ANKRD60: variants seen among roughly 807,000 people sequenced by gnomAD.
ANKRD60 encodes ankyrin repeat domain-containing protein 60.
ANKRD60 carries 24 observed loss-of-function variants against 21.3 expected under a neutral mutation model. The ratio of observed to expected loss-of-function variants is 1.13; its 90% CI spans 0.82 to 1.59. The LOEUF is 1.59. ANKRD60 is among the 40% of genes most tolerant of loss of function. The pLI is 0.00. For synonymous variants in ANKRD60, 182 were observed against 199.4 expected, an observed-to-expected ratio of 0.91 and a Z score of 0.74; for missense variants, 490 against 466.7, an observed-to-expected ratio of 1.05 and a Z score of -0.46.
exon 4 of ANKRD60, chr20:58,218,607 T>C (rs1473317512): frequency 1.3e-6 from 2 of 1,551,772 alleles, no homozygotes; most frequent in South Asian, 1.2e-5. Context: ...TGCTATCCGG[T>C]GGAGGAGGAC....
intron 3 of ANKRD60, among the ~76,000 whole-genome samples, chr20:58,220,615 A>G (rs993748132): frequency 1.3e-5 from 2 of 151,812 alleles, no homozygotes; most frequent in Non-Finnish European, 2.9e-5. Flanking sequence ...GAGAAGGGAG[A>G]ATGGTGATCC....
downstream of ANKRD60, among the ~76,000 whole-genome samples, chr20:58,216,208 A>G (rs1984132450): frequency 6.6e-6 from 1 of 152,208 alleles, no homozygotes; most frequent in South Asian, 2.1e-4. Flanking sequence ...ATTGTCTAAA[A>G]TGAAGCGCTC....
Position 58,228,573 on chromosome 20 carries a change from G to T in ANKRD60, c.81C>A (p.Gly27=), listed in dbSNP as rs1455179130. Residue 27 remains glycine (G), a synonymous_variant, in exon 1 of 4, where the codon GGC becomes GGA. Coordinates refer to ENST00000457363, the Ensembl canonical transcript of ANKRD60. This position sits in a 1 kb window ranked among gnomAD's most constrained non-coding sequence, Gnocchi z 5.3. Reference sequence around the variant, plus strand: ...CCGCATTGGGGTGCAGGCGAGAGGCGCCCCCAGTTGGCCCCGCCGCCCGCG... The same window carrying T: ...CCGCATTGGGGTGCAGGCGAGAGGCTCCCCCAGTTGGCCCCGCCGCCCGCG... The T allele has an allele frequency of 1.7e-6, 2 of 1,194,300 alleles. No individual in the cohort carries two copies. Among genetic ancestry groups the T allele is most frequent in the African/African-American group, 1.6e-5 (1 of 62,288 alleles). 74.0% of individuals were successfully genotyped at this position (1,194,300 alleles called of 1,614,324 possible).
chr20:58,220,683 AGTG>A (rs1984231737), intron 3 of ANKRD60, among the ~76,000 whole-genome samples: 1 of 148,410 alleles, frequency 6.7e-6, no homozygotes, highest in South Asian at 2.1e-4. Flanking sequence ...GGTTTTTTCT[AGTG>A]TGTGTGTGTG....
chr20:58,219,812 C>G (rs1012539386), intron 3 of ANKRD60, among the ~76,000 whole-genome samples: 1 of 152,178 alleles, frequency 6.6e-6, no homozygotes, highest in East Asian at 1.9e-4. Flanking sequence ...GCAAAGCTGG[C>G]TGTAATTTTT....
At chr20:58,226,862 T>A (rs1984373915) in intron 1 of ANKRD60, among the ~76,000 whole-genome samples, 1 of 152,178 alleles carries the variant, frequency 6.6e-6, no homozygotes, top group Non-Finnish European at 1.5e-5. Flanking sequence ...GGCTCTGTCA[T>A]CCTTATGTAG....
At chr20:58,222,967 T>C (rs1984291144) in intron 2 of ANKRD60, 85 bp downstream of exon 2, 2 of 1,417,728 alleles carry the variant, frequency 1.4e-6, no homozygotes, top group South Asian at 1.5e-5. Context: ...GTTATTCACA[T>C]ATCCGTATTA....
chr20:58,228,631 C>A lies in ANKRD60; in HGVS notation c.23G>T (p.Gly8Val), dbSNP rs1345933144. 5.3e-6 allele frequency: 5 copies of A among 940,422 alleles called. No individual in the cohort carries two copies. The highest frequency in any genetic ancestry group is 6.4e-6 in the Non-Finnish European group (5 of 777,850). 58.3% of individuals were successfully genotyped at this position (940,422 alleles called of 1,614,324 possible). ...CGCCCCCGCCGCCGCCCGCCGCATCCCCCAGGCGCGGCCGCGCGTCATCCG... is the reference window on the plus strand; with the variant it reads ...CGCCCCCGCCGCCGCCCGCCGCATCACCCAGGCGCGGCCGCGCGTCATCCG... The change falls in exon 1 of 4, where the codon GGG becomes GTG. Residue 8 changes from glycine to valine, a missense_variant. By Grantham distance (109) the Gly-to-Val change is moderately radical. Transcript: ENST00000457363. This position sits in a 1 kb window ranked among gnomAD's most constrained non-coding sequence, Gnocchi z 5.3.
At chr20:58,222,072 G>A (rs2122806227) in intron 2 of ANKRD60, among the ~76,000 whole-genome samples, 1 of 152,314 alleles carries the variant, frequency 6.6e-6, no homozygotes, top group Admixed American at 6.5e-5. Flanking sequence ...AGTCAGGACT[G>A]GGGCAGTGGG....
intron 3 of ANKRD60, 126 bp from the exon 4 acceptor site, chr20:58,218,931 G>GC: frequency 1.2e-6 from 1 of 832,770 alleles, no homozygotes. Flanking sequence ...GTACTGCCCT[G>GC]CCCCCAGTCC....
At chr20:58,219,115 C>T (rs979546561) in intron 3 of ANKRD60, among the ~76,000 whole-genome samples, 3 of 152,184 alleles carry the variant, frequency 2.0e-5, no homozygotes, top group African/African-American at 4.8e-5. Flanking sequence ...TCTCCTCCCC[C>T]ACCCCACCAC....
Position 58,225,997 on chromosome 20 carries a change from T to C in ANKRD60, c.430+2227A>G, listed in dbSNP as rs182820880. 2.2e-3 allele frequency among the ~76,000 whole-genome samples: 342 copies of C among 152,256 alleles called. 2 individuals carry two copies. Among genetic ancestry groups the C allele is most frequent in the Non-Finnish European group, 2.9e-3 (200 of 68,018 alleles). ...CACTGGGTATCTGCCACATGGGACT[T>C]GTCTGGAGTGGGGCCCTTGGGGTCC... On this transcript the variant is annotated intron_variant, in intron 1 of 3. Coordinates refer to ENST00000457363, the Ensembl canonical transcript of ANKRD60.
rs1048707482 is a variant in ANKRD60, at chr20:58,228,180, G to T, written c.430+44C>A. 45 of 1,486,438 alleles carry T rather than the reference G, an allele frequency of 3.0e-5. No homozygotes were observed. Among genetic ancestry groups the T allele is most frequent in the Admixed American group, 6.2e-5 (3 of 48,398 alleles). The allele number at this position is 1,486,438 out of a possible 1,614,324, so 92.1% of individuals were successfully genotyped here. On this transcript the variant is annotated intron_variant, in intron 1 of 3. Coordinates refer to ENST00000457363, the Ensembl canonical transcript of ANKRD60. The surrounding 1 kb of genome is among the most constrained non-coding windows in gnomAD (Gnocchi z 5.3). ...GGAATCCACTTCAGAAGTGGACAGG[G>T]TGCCCTTGCATGTGGCCAGGGAAGG... is the stretch of plus-strand genomic sequence containing the variant.
intron 3 of ANKRD60, among the ~76,000 whole-genome samples, chr20:58,220,190 C>T (rs892216193): frequency 9.9e-5 from 15 of 152,190 alleles, no homozygotes; most frequent in African/African-American, 3.6e-4. Context: ...AAGGCCCCTC[C>T]TGAGCCCAAA....
intron 3 of ANKRD60, among the ~76,000 whole-genome samples, chr20:58,221,032 A>G (rs1375385420): frequency 2.0e-5 from 3 of 152,188 alleles, no homozygotes; most frequent in African/African-American, 7.2e-5. Context: ...GTGTCTGGTG[A>G]GAAATGAACC....
Position 58,228,094 on chromosome 20 carries a change from G to A in ANKRD60, c.430+130C>T. ...GCCCTTCCATCTGGGTTTCAGGGTG[G>A]TTGGGTTTCAGGGGTTTGCTTTGAC... On this transcript the variant is annotated intron_variant, in intron 1 of 3. Coordinates refer to ENST00000457363, the Ensembl canonical transcript of ANKRD60. This position sits in a 1 kb window ranked among gnomAD's most constrained non-coding sequence, Gnocchi z 5.3. 1 of 934,030 alleles carries A rather than the reference G, an allele frequency of 1.1e-6. No individual in the cohort carries two copies. Among genetic ancestry groups the A allele is most frequent in the East Asian group, 2.8e-5 (1 of 36,342 alleles). The allele number at this position is 934,030 out of a possible 1,614,324, so 57.9% of individuals were successfully genotyped here.
chr20:58,223,270 G>A, intron 1 of ANKRD60, 88 bp from the exon 2 acceptor site: 1 of 1,111,218 alleles, frequency 9.0e-7, no homozygotes, highest in Non-Finnish European at 1.2e-6. Context: ...ATCTGACCTT[G>A]AGTGCCACAA....
chr20:58,218,903 C>A (rs77184088), intron 3 of ANKRD60, 98 bp from the exon 4 acceptor site: 39,706 of 1,180,390 alleles, frequency 0.034, 1,101 homozygotes, highest in Admixed American at 0.16. Flanking sequence ...GGAGGTCCTG[C>A]TGCCTGGCCC....
intron 3 of ANKRD60, among the ~76,000 whole-genome samples, chr20:58,219,748 G>A (rs1372076955): frequency 2.0e-5 from 3 of 152,224 alleles, no homozygotes; most frequent in African/African-American, 7.2e-5. Flanking sequence ...TAGAACACCA[G>A]TGTCGACCAT....
Sources: gnomAD v4.1 joint callset for allele counts (sites outside exome capture counted in the v4.1 genomes callset) on GRCh38, gnomAD v4.1.1 for gene constraint, Gnocchi (gnomAD v3.1) non-coding constraint, MANE v1.5 for transcripts, NCBI Gene and HGNC (gene_info 2026-07-23, HGNC 2026-07-21) for gene names.